The following RFC3 variants were observed in gnomAD, a reference collection of about 807,000 sequenced individuals.
The protein encoded by RFC3 is replication factor C subunit 3.
In RFC3, 41 loss-of-function variants were observed where a neutral mutation model predicts 45.1. The ratio of observed to expected loss-of-function variants is 0.91; its 90% CI spans 0.71 to 1.18. RFC3 has a LOEUF of 1.18. RFC3 is among the 50% of genes most tolerant of loss of function. The probability of loss-of-function intolerance (pLI) is 0.00; values close to 1 mark genes in which losing one functional copy is unlikely to be tolerated. For missense variants in RFC3, 423 were observed against 428.1 expected (o/e 0.99, Z 0.10); for synonymous variants, 149 against 144.0 (o/e 1.03, Z -0.25).
At position 33,880,279 on chromosome 13, in the gene RFC3, A is replaced by G. The variant is rs117940924; in HGVS notation, c.879+45062A>G. On this transcript the variant is annotated intron_variant, in intron 8 of 8. Coordinates refer to the RFC3 transcript ENST00000434425. Reference sequence around the variant, plus strand: ...ATAAAAGACAACAGGATTCTAATATAGTCAAATTTTATGTAATTGTGCTGA... The same window carrying G: ...ATAAAAGACAACAGGATTCTAATATGGTCAAATTTTATGTAATTGTGCTGA... 3.3e-5 allele frequency among the ~76,000 whole-genome samples: 5 copies of G among 152,368 alleles called. No individual in the cohort carries two copies. The East Asian group carries it at 7.7e-4, about 23-fold the overall frequency.
intron 8 of RFC3, among the ~76,000 whole-genome samples, chr13:33,875,698 G>A (rs112995366): frequency 0.042 from 6,392 of 152,138 alleles, 318 homozygotes; most frequent in African/African-American, 0.11. Context: ...AGGCTCGGGG[G>A]CCCTCTAGGA....
At chr13:33,926,995 G>A (rs540420818) in intron 8 of RFC3, among the ~76,000 whole-genome samples, 1 of 151,904 alleles carries the variant, frequency 6.6e-6, no homozygotes, top group Non-Finnish European at 1.5e-5. Flanking sequence ...AAGCTTCAGT[G>A]AAAGTGAAGT....
intron 8 of RFC3, among the ~76,000 whole-genome samples, chr13:33,843,091 CA>C (rs965562737): frequency 2.6e-5 from 4 of 151,134 alleles, no homozygotes; most frequent in African/African-American, 9.7e-5. Flanking sequence ...AACAAAAAAA[CA>C]AAAAAAACCT....
intron 8 of RFC3, among the ~76,000 whole-genome samples, chr13:33,940,548 A>G (rs755828687): frequency 6.6e-6 from 1 of 152,182 alleles, no homozygotes; most frequent in African/African-American, 2.4e-5. Context: ...TGTGTCAAGT[A>G]TGTTCATCAT....
At position 33,894,974 on chromosome 13, in the gene RFC3, C is replaced by G. The variant is rs193089626; in HGVS notation, c.879+59757C>G. ...ACACGTAGAAGAATGAACTGGACAC[C>G]TATCTCTCATCGTATACAAAAATCA... On this transcript the variant is annotated intron_variant, in intron 8 of 8. Transcript: ENST00000434425. 1.1e-4 allele frequency among the ~76,000 whole-genome samples: 16 copies of G among 152,156 alleles called. No homozygotes were observed. The East Asian group carries it at 2.9e-3, about 28-fold the overall frequency.
chr13:33,903,715 G>A (rs751018708), intron 8 of RFC3, among the ~76,000 whole-genome samples: 1 of 152,002 alleles, frequency 6.6e-6, no homozygotes, highest in Non-Finnish European at 1.5e-5. Context: ...TTTCCCTGGA[G>A]CCTTATTAGT....
At chr13:33,954,566 A>G (rs904418635) in intron 8 of RFC3, among the ~76,000 whole-genome samples, 1 of 152,234 alleles carries the variant, frequency 6.6e-6, no homozygotes, top group African/African-American at 2.4e-5. Context: ...GACAGAATAC[A>G]ATAGTCTGGG....
intron 8 of RFC3, among the ~76,000 whole-genome samples, chr13:33,855,068 C>T (rs1403680872): frequency 6.6e-6 from 1 of 152,078 alleles, no homozygotes; most frequent in African/African-American, 2.4e-5. Context: ...ACTCTACTTC[C>T]CTAAAAGGGA....
At chr13:33,969,258 C>T (rs80189473), downstream of RFC3, among the ~76,000 whole-genome samples, 1,250 of 152,314 alleles carry the variant, frequency 8.2e-3, 14 homozygotes, top group African/African-American at 0.028. Context: ...TAACAAGCCT[C>T]AGCACCTCAA....
the RFC3 span, among the ~76,000 whole-genome samples, chr13:33,973,641 C>CTCT: frequency 6.7e-6 from 1 of 150,330 alleles, no homozygotes; most frequent in African/African-American, 2.4e-5. Context: ...CTCCCTCTCC[C>CTCT]TCTTCTTCTT....
At chr13:33,827,186 G>T (rs1188255392) in intron 4 of RFC3, among the ~76,000 whole-genome samples, 1 of 152,178 alleles carries the variant, frequency 6.6e-6, no homozygotes, top group Non-Finnish European at 1.5e-5. Flanking sequence ...TGCTTTGGGA[G>T]GCTGAAGCAG....
At chr13:33,834,636 T>C (rs1273024627) in intron 7 of RFC3, among the ~76,000 whole-genome samples, 2 of 152,110 alleles carry the variant, frequency 1.3e-5, no homozygotes, top group Non-Finnish European at 2.9e-5. Flanking sequence ...TGTATTATAT[T>C]TCATGCGTAT....
At chr13:33,858,664 C>T (rs542472911) in intron 8 of RFC3, among the ~76,000 whole-genome samples, 62 of 152,192 alleles carry the variant, frequency 4.1e-4, no homozygotes, top group African/African-American at 1.4e-3. Flanking sequence ...GTCATACCTA[C>T]GGTTGGAGAA....
chr13:33,899,204 C>CAAAAAGA (rs2082621800), intron 8 of RFC3, among the ~76,000 whole-genome samples: 1 of 51,968 alleles, frequency 1.9e-5, no homozygotes, highest in Non-Finnish European at 3.6e-5. Context: ...CACAATAAGA[C>CAAAAAGA]AAAAAAAAAA....
intron 8 of RFC3, among the ~76,000 whole-genome samples, chr13:33,950,188 A>C (rs1036173200): frequency 3.9e-5 from 6 of 152,114 alleles, no homozygotes; most frequent in African/African-American, 1.4e-4. Context: ...AAATTCATGT[A>C]CTTTGAGTTT....
rs1267477331 is a variant in RFC3, at chr13:33,821,112, G to A, written c.88-20G>A. 6.2e-7 allele frequency: 1 copy of A among 1,612,708 alleles called. No homozygotes were observed. Among genetic ancestry groups the A allele is most frequent in the East Asian group, 2.2e-5 (1 of 44,850 alleles). ...CAGTTCAGTTTGACTAGGGAAAAAT[G>A]CCTTGTTCTTTTTTTTCAGGTGCAG... On this transcript the variant is annotated intron_variant, in intron 1 of 8. Coordinates refer to ENST00000380071, the MANE Select transcript of RFC3 (RefSeq NM_002915.4).
At chr13:33,933,397 T>C (rs1303658732) in intron 8 of RFC3, among the ~76,000 whole-genome samples, 1 of 152,136 alleles carries the variant, frequency 6.6e-6, no homozygotes, top group Non-Finnish European at 1.5e-5. Context: ...CCCAAGAACT[T>C]ATTATTGGCT....
chr13:33,917,010 T>A lies in RFC3; in HGVS notation c.880-49077T>A, dbSNP rs1485863754. On this transcript the variant is annotated intron_variant, in intron 8 of 8. Transcript: ENST00000434425. ...AAATGAGTGCAGGAGACTTCAGAAA[T>A]ATTACTGTGCTAAATTTCAAGCTCC... 4.6e-5 allele frequency among the ~76,000 whole-genome samples: 7 copies of A among 152,274 alleles called. No individual in the cohort carries two copies. The South Asian group carries it at 8.3e-4, about 18-fold the overall frequency.
chr13:33,945,015 T>A (rs893858822), intron 8 of RFC3, among the ~76,000 whole-genome samples: 1 of 152,146 alleles, frequency 6.6e-6, no homozygotes, highest in East Asian at 1.9e-4. Context: ...TCATCTTGAG[T>A]TTCTGAGACC....
Sources: gnomAD v4.1 joint callset for allele counts (sites outside exome capture counted in the v4.1 genomes callset) on GRCh38, gnomAD v4.1.1 for gene constraint, MANE v1.5 for transcripts, NCBI Gene and HGNC (gene_info 2026-07-23, HGNC 2026-07-21) for gene names.